Variants in DDI2 observed in about 807,000 individuals in gnomAD.
The protein encoded by DDI2 is DDI proteasomal shuttling factor 2, also known as protein DDI1 homolog 2.
Under a neutral mutation model 48.1 loss-of-function variants are expected in DDI2, and 5 were observed. The ratio of observed to expected loss-of-function variants is 0.10; its 90% CI spans 0.05 to 0.22. DDI2 has a LOEUF of 0.22. Ranked by LOEUF, DDI2 falls within the 10% of genes least tolerant of loss-of-function variation. The probability of loss-of-function intolerance (pLI) is 1.00; values close to 1 mark genes in which losing one functional copy is unlikely to be tolerated. For missense variants in DDI2, 285 were observed against 506.2 expected (o/e 0.56, Z 4.19); for synonymous variants, 205 against 183.6 (o/e 1.12, Z -0.94).
intron 5 of DDI2, among the ~76,000 whole-genome samples, chr1:15,642,278 C>A (rs1640023316): frequency 6.6e-6 from 1 of 152,108 alleles, no homozygotes; most frequent in African/African-American, 2.4e-5. Flanking sequence ...GCCAACCCGC[C>A]GTGTACATGT....
chr1:15,626,953 T>A, intron 2 of DDI2, 155 bp downstream of exon 2: 1 of 965,726 alleles, frequency 1.0e-6, no homozygotes, highest in Non-Finnish European at 1.5e-6. Flanking sequence ...ACAAGTATTT[T>A]AATGTCTCTA....
At chr1:15,617,854 C>A in intron 1 of DDI2, 46 bp downstream of exon 1, 1 of 1,500,908 alleles carries the variant, frequency 6.7e-7, no homozygotes, top group East Asian at 2.5e-5. Flanking sequence ...TAAGCCCTCC[C>A]CGCCTCGGGG....
chr1:15,660,801 GC>G lies in DDI2; in HGVS notation c.*1016del. On this transcript the variant is annotated 3_prime_UTR_variant, in exon 10 of 10. Coordinates refer to ENST00000480945, the MANE Select transcript of DDI2 (RefSeq NM_032341.5). ...ATTCCATTTCCACTCAGGATTTACA[GC>G]CCCCAGAAACTAATGTTGAAATACC... is the stretch of plus-strand genomic sequence containing the variant. 1 of 1,614,014 alleles carries G rather than the reference GC, an allele frequency of 6.2e-7. No homozygotes were observed. The highest frequency in any genetic ancestry group is 8.5e-7 in the Non-Finnish European group (1 of 1,180,022).
At chr1:15,633,967 G>C in intron 4 of DDI2, 1 of 366,140 alleles carries the variant, frequency 2.7e-6, no homozygotes, top group South Asian at 2.1e-5. Context: ...TTAAATCCAG[G>C]GCTTAAACAT....
At chr1:15,652,446 C>CAGGGGGGGGG (rs1640202132) in intron 8 of DDI2, among the ~76,000 whole-genome samples, 1 of 15,882 alleles carries the variant, frequency 6.3e-5, no homozygotes, top group Non-Finnish European at 1.5e-4. Context: ...TGGGAGGCTC[C>CAGGGGGGGGG]GGAGGGGGGG....
At position 15,660,169 on chromosome 1, in the gene DDI2, T is replaced by C; in HGVS notation, c.*379T>C. ...TCCAGCTATGCCTATGCAGAATTCA[T>C]CCGAAGAAATAACTGTTGCAGGTAA... On this transcript the variant is annotated 3_prime_UTR_variant, in exon 10 of 10. Coordinates refer to ENST00000480945, the MANE Select transcript of DDI2 (RefSeq NM_032341.5). 6.2e-7 allele frequency: 1 copy of C among 1,614,206 alleles called. No individual in the cohort carries two copies. Among genetic ancestry groups the C allele is most frequent in the Non-Finnish European group, 8.5e-7 (1 of 1,180,032 alleles).
In DDI2 at chr1:15,659,883, A is replaced by C. The variant is rs76776657; in HGVS notation, c.*93A>C. ...CCTCACTGGGAATGTCATCATTACC[A>C]ACTTCAGATGGGTTTAACCATCCCG... On this transcript the variant is annotated 3_prime_UTR_variant, in exon 10 of 10. Transcript: ENST00000480945. 860 of 1,579,872 alleles carry C rather than the reference A, an allele frequency of 5.4e-4. 3 individuals are homozygous for C. The African/African-American group carries it at 0.011, about 20-fold the overall frequency.
chr1:15,654,937 C>CTT (rs60979134), intron 8 of DDI2, among the ~76,000 whole-genome samples: 43,072 of 140,362 alleles, frequency 0.31, 6,772 homozygotes, highest in African/African-American at 0.4. Context: ...TATGAAATGT[C>CTT]TTTTTTTTTT....
chr1:15,627,602 TAGAG>T (rs1292794214), intron 2 of DDI2, among the ~76,000 whole-genome samples: 2 of 152,202 alleles, frequency 1.3e-5, no homozygotes, highest in African/African-American at 4.8e-5. Context: ...GTGCACTGGA[TAGAG>T]AGAGGGTCAT....
chr1:15,622,102 A>G (rs1337578909), intron 1 of DDI2, among the ~76,000 whole-genome samples: 1 of 151,294 alleles, frequency 6.6e-6, no homozygotes, highest in African/African-American at 2.4e-5. Flanking sequence ...TAGAGATGGG[A>G]TCTCGCTCTC....
At chr1:15,647,610 T>C (rs911441947) in intron 6 of DDI2, among the ~76,000 whole-genome samples, 1 of 152,204 alleles carries the variant, frequency 6.6e-6, no homozygotes, top group African/African-American at 2.4e-5. Context: ...TATCCACCAC[T>C]GAATGAATAT....
In DDI2 at chr1:15,659,857, A is replaced by G. The variant is rs1173293551; in HGVS notation, c.*67A>G. ...TATAGAGAAAAGTGGTAAAGAATCTACCTCACTGGGAATGTCATCATTACC... is the reference window on the plus strand; with the variant it reads ...TATAGAGAAAAGTGGTAAAGAATCTGCCTCACTGGGAATGTCATCATTACC... On this transcript the variant is annotated 3_prime_UTR_variant, in exon 10 of 10. Coordinates refer to ENST00000480945, the MANE Select transcript of DDI2 (RefSeq NM_032341.5). 8.4e-6 allele frequency: 13 copies of G among 1,550,570 alleles called. No individual in the cohort carries two copies. Among genetic ancestry groups the G allele is most frequent in the Non-Finnish European group, 1.1e-5 (13 of 1,153,570 alleles).
chr1:15,660,703 G>C lies in DDI2; in HGVS notation c.*913G>C. 1.2e-6 allele frequency: 2 copies of C among 1,614,090 alleles called. No homozygotes were observed. Among genetic ancestry groups the C allele is most frequent in the Non-Finnish European group, 1.7e-6 (2 of 1,180,004 alleles). ...CAATGTCAAGAACATTGGTGCATTG[G>C]ATCTCACTTTAGATAATCCCTTGAT... On this transcript the variant is annotated 3_prime_UTR_variant, in exon 10 of 10. Coordinates refer to ENST00000480945, the MANE Select transcript of DDI2 (RefSeq NM_032341.5).
intron 1 of DDI2, 23 bp from the exon 2 acceptor site, chr1:15,626,646 T>TGCTTTATA: frequency 1.2e-6 from 2 of 1,614,146 alleles, no homozygotes; most frequent in Non-Finnish European, 1.7e-6. Flanking sequence ...CTTTATACTG[T>TGCTTTATA]TGTATATCTT....
intron 8 of DDI2, among the ~76,000 whole-genome samples, chr1:15,652,670 A>G (rs1640209583): frequency 6.6e-6 from 1 of 151,826 alleles, no homozygotes; most frequent in African/African-American, 2.4e-5. Flanking sequence ...AAATATACAA[A>G]AAATTAGCCG....
chr1:15,620,697 A>G (rs535644634), intron 1 of DDI2, among the ~76,000 whole-genome samples: 1 of 152,308 alleles, frequency 6.6e-6, no homozygotes, highest in African/African-American at 2.4e-5. Flanking sequence ...TATATAATAC[A>G]TTATATACAT....
At position 15,662,542 on chromosome 1, in the gene DDI2, T is replaced by C. The variant is rs1389900782; in HGVS notation, c.*2752T>C. On this transcript the variant is annotated 3_prime_UTR_variant, in exon 10 of 10. Transcript: ENST00000480945. The stretch of plus-strand genomic sequence containing the variant: ...GTCAAGAACTGTGAGGGAAAAATAA[T>C]GGCCTAAACACTGGAATTTGCTAGA... 6.6e-6 allele frequency: 1 copy of C among 152,220 alleles called. No homozygotes were observed. The highest frequency in any genetic ancestry group is 2.1e-4 in the South Asian group (1 of 4,834). 9.4% of individuals were successfully genotyped at this position (152,220 alleles called of 1,614,324 possible).
chr1:15,620,450 TTC>T (rs1639640936), intron 1 of DDI2, among the ~76,000 whole-genome samples: 1 of 151,924 alleles, frequency 6.6e-6, no homozygotes, highest in African/African-American at 2.4e-5. Flanking sequence ...CCTCCCAGGG[TTC>T]TCTCATATTA....
In DDI2 at chr1:15,628,117, G is replaced by C. The variant is rs1351985529; in HGVS notation, c.268+1319G>C. ...GACAAGAGAGCCTGTAACAGGTTGG[G>C]GCAGGAGTGATCTGGTCTATTAAGT... On this transcript the variant is annotated intron_variant, in intron 2 of 9. Coordinates refer to ENST00000480945, the MANE Select transcript of DDI2 (RefSeq NM_032341.5). Among the ~76,000 whole-genome samples the C allele has an allele frequency of 9.9e-5, 15 of 151,912 alleles. 1 individual carries two copies. The highest frequency in any genetic ancestry group is 9.8e-4 in the Admixed American group (15 of 15,238).
Sources: gnomAD v4.1 joint callset for allele counts (sites outside exome capture counted in the v4.1 genomes callset) on GRCh38, gnomAD v4.1.1 for gene constraint, MANE v1.5 for transcripts, NCBI Gene and HGNC (gene_info 2026-07-23, HGNC 2026-07-21) for gene names.